ATG16L1: variants seen among roughly 807,000 people sequenced by gnomAD.
The protein encoded by ATG16L1 is autophagy-related protein 16-1.
Under a neutral mutation model 88.5 loss-of-function variants are expected in ATG16L1, and 37 were observed. The observed-to-expected ratio is 0.42, with a 90% CI of 0.32 to 0.55. The LOEUF is 0.55. ATG16L1 is among the 20% of genes least tolerant of loss of function. The pLI is 0.13. For synonymous variants in ATG16L1, 301 were observed against 281.0 expected, an observed-to-expected ratio of 1.07 and a Z score of -0.71; for missense variants, 554 against 752.8, an observed-to-expected ratio of 0.74 and a Z score of 3.09.
Position 233,277,619 on chromosome 2 carries a change from T to C in ATG16L1, c.1006T>C (p.Leu336=). 6.2e-7 allele frequency: 1 copy of C among 1,614,126 alleles called. No homozygotes were observed. The highest frequency in any genetic ancestry group is 8.5e-7 in the Non-Finnish European group (1 of 1,179,970). ...TGTGCAGTTCAGTCCAGGTTCCCGG[T>C]TACTGGCCACTGGAGGCATGGACCG... ...NAVQFSPGSR[L]LATGGMDRRV... is the part of the protein sequence containing the mutation. Residue 336 remains leucine (L), a synonymous_variant, in exon 10 of 18, where the codon TTA becomes CTA. Transcript: ENST00000392017.
chr2:233,288,435 C>T (rs969547051), intron 12 of ATG16L1, among the ~76,000 whole-genome samples: 49 of 152,126 alleles, frequency 3.2e-4, no homozygotes, highest in African/African-American at 1.2e-3. Flanking sequence ...TAAGTACCCA[C>T]CACACCCAGC....
intron 4 of ATG16L1, among the ~76,000 whole-genome samples, chr2:233,264,320 A>G (rs539327983): frequency 9.5e-4 from 145 of 152,346 alleles, no homozygotes; most frequent in African/African-American, 3.3e-3. Flanking sequence ...CAGAGACACT[A>G]GCAGCTCTCC....
At chr2:233,256,755 C>T (rs1162238521) in intron 2 of ATG16L1, among the ~76,000 whole-genome samples, 9 of 150,964 alleles carry the variant, frequency 6.0e-5, no homozygotes. Flanking sequence ...AGTACAGTGG[C>T]ACGATCTCAG....
chr2:233,251,808 G>A lies in ATG16L1; in HGVS notation c.-20G>A. 6.5e-7 allele frequency: 1 copy of A among 1,547,752 alleles called. No homozygotes were observed. The highest frequency in any genetic ancestry group is 8.7e-7 in the Non-Finnish European group (1 of 1,145,236). On this transcript the variant is annotated 5_prime_UTR_variant, in exon 1 of 18. It adds an upstream start codon to the 5' untranslated region. Coordinates refer to ENST00000392017, the MANE Select transcript of ATG16L1 (RefSeq NM_030803.7). ...CCTCGCTCGCATTGGTGGCGCTGAG[G>A]TGCCGGGGCAGCAAGTGACATGTCG... is the stretch of plus-strand genomic sequence containing the variant.
chr2:233,268,264 T>C (rs952029415), intron 5 of ATG16L1, among the ~76,000 whole-genome samples: 1 of 152,166 alleles, frequency 6.6e-6, no homozygotes, highest in Non-Finnish European at 1.5e-5. Context: ...AAGATCAGCC[T>C]GGCCAACATG....
chr2:233,282,736 G>A lies in ATG16L1; in HGVS notation c.1186G>A (p.Asp396Asn). The part of the protein sequence containing the change: ...NDFASRIWTV[D>N]DYRLRHTLTG... ...TTTTGCAAGCCGAATCTGGACTGTG[G>A]ATGATTATCGATTACGGGTAAGACC... The change falls in exon 12 of 18, where the codon GAT (aspartate) becomes AAT (asparagine). Residue 396 changes from aspartate to asparagine, a missense_variant. Asp to Asn is a conservative substitution (Grantham distance 23). Around this residue, in one of 5 missense-constraint regions of ATG16L1, gnomAD observed 370 missense variants for 509.7 expected, o/e 0.73. Transcript: ENST00000392017. 1 of 1,614,028 alleles carries A rather than the reference G, an allele frequency of 6.2e-7. No individual in the cohort carries two copies. The highest frequency in any genetic ancestry group is 1.1e-5 in the South Asian group (1 of 91,076).
chr2:233,292,678 G>A (rs1699543695), intron 16 of ATG16L1, among the ~76,000 whole-genome samples: 1 of 152,192 alleles, frequency 6.6e-6, no homozygotes, highest in Non-Finnish European at 1.5e-5. Flanking sequence ...CTTTGTTGTG[G>A]GTGAGCCCAT....
chr2:233,258,398 C>A (rs996682195), intron 2 of ATG16L1, among the ~76,000 whole-genome samples: 3 of 152,196 alleles, frequency 2.0e-5, no homozygotes, highest in Non-Finnish European at 4.4e-5. Context: ...GGGAAAGATA[C>A]CAGAGAACAG....
At position 233,277,789 on chromosome 2, in the gene ATG16L1, G is replaced by A. The variant is rs1373897723; in HGVS notation, c.1060+116G>A. The A allele has an allele frequency of 1.2e-5, 10 of 835,760 alleles. No homozygotes were observed. In the Admixed American group the frequency reaches 1.5e-4, roughly 12 times the overall value. 51.8% of individuals were successfully genotyped at this position (835,760 alleles called of 1,614,324 possible). A position where few individuals can be genotyped will look rare whatever the true frequency, so the allele number is the denominator to read the frequency against. On this transcript the variant is annotated intron_variant, in intron 10 of 17. Transcript: ENST00000392017. Reference sequence around the variant, plus strand: ...ACCTTGCTTTCAGGCACTGTGAATTGTTCATTTTCTCAAAACATACATTTT... The same window carrying A: ...ACCTTGCTTTCAGGCACTGTGAATTATTCATTTTCTCAAAACATACATTTT...
intron 6 of ATG16L1, 48 bp downstream of exon 6, chr2:233,270,115 C>T (rs771351368): frequency 6.6e-7 from 1 of 1,509,728 alleles, no homozygotes; most frequent in Admixed American, 2.4e-5. Flanking sequence ...AAATTTGGCT[C>T]TCTTAAAAGT....
chr2:233,278,274 A>T (rs1159091158), intron 10 of ATG16L1, among the ~76,000 whole-genome samples: 1 of 152,218 alleles, frequency 6.6e-6, no homozygotes, highest in Non-Finnish European at 1.5e-5. Flanking sequence ...AGTTAATGAA[A>T]CCATCTCTTA....
intron 8 of ATG16L1, 179 bp downstream of exon 8, chr2:233,273,956 C>G: frequency 6.5e-7 from 1 of 1,548,666 alleles, no homozygotes; most frequent in South Asian, 1.2e-5. Flanking sequence ...TCCTCTTAAT[C>G]TCGCTGCGTG....
At chr2:233,293,415 T>C (rs1391363597) in intron 17 of ATG16L1, 58 bp downstream of exon 17, 62 of 1,472,060 alleles carry the variant, frequency 4.2e-5, no homozygotes, top group Non-Finnish European at 5.8e-5. Context: ...TTTGACTTCA[T>C]CTCAGGGGTC....
chr2:233,261,835 T>C (rs1047701124), intron 2 of ATG16L1, among the ~76,000 whole-genome samples: 5 of 152,208 alleles, frequency 3.3e-5, no homozygotes, highest in African/African-American at 7.2e-5. Context: ...ATCTGAGATA[T>C]TATGCAAACA....
At chr2:233,266,048 A>G (rs1257766696) in intron 5 of ATG16L1, 1 of 152,214 alleles carries the variant, frequency 6.6e-6, no homozygotes, top group East Asian at 1.9e-4. Flanking sequence ...CACAGAGAAC[A>G]CCGATCTGGA....
rs1697469472 is a variant in ATG16L1, at chr2:233,264,985, C to G, written c.483C>G (p.Thr161=). The change falls in exon 5 of 18, where the codon ACC becomes ACG. Residue 161 remains threonine (T), a synonymous_variant. Transcript: ENST00000392017. The part of the protein sequence containing the change: ...KLCDLERANQ[T]LKDEYDALQI... ...GTGACCTTGAAAGAGCCAACCAGAC[C>G]CTGAAGGATGAATATGATGCCCTGC... 1 of 1,613,956 alleles carries G rather than the reference C, an allele frequency of 6.2e-7. No homozygotes were observed. The highest frequency in any genetic ancestry group is 1.3e-5 in the African/African-American group (1 of 74,886).
chr2:233,272,910 C>A (rs2289476), intron 6 of ATG16L1, 56 bp from the exon 7 acceptor site: 105,753 of 1,478,832 alleles, frequency 0.072, 4,823 homozygotes, highest in African/African-American at 0.17. Context: ...TTTGCGGAAC[C>A]GATTAATCAC....
At chr2:233,288,515 C>T (rs2125291111) in intron 12 of ATG16L1, among the ~76,000 whole-genome samples, 1 of 152,322 alleles carries the variant, frequency 6.6e-6, no homozygotes, top group East Asian at 1.9e-4. Context: ...CTCCTGGGCT[C>T]AAGCAATCCT....
At chr2:233,285,203 C>T (rs1184073464) in intron 12 of ATG16L1, among the ~76,000 whole-genome samples, 1 of 152,220 alleles carries the variant, frequency 6.6e-6, no homozygotes, top group African/African-American at 2.4e-5. Flanking sequence ...ATCCATTGAT[C>T]TTTTATTCTA....
Sources: gnomAD v4.1 joint callset for allele counts (sites outside exome capture counted in the v4.1 genomes callset) on GRCh38, gnomAD v4.1.1 for gene constraint, gnomAD v4.1.1 regional missense constraint, MANE v1.5 for transcripts, NCBI Gene and HGNC (gene_info 2026-07-23, HGNC 2026-07-21) for gene names.